Variants in GRIN2A observed in about 807,000 individuals in gnomAD.
The protein encoded by GRIN2A is glutamate ionotropic receptor NMDA type subunit 2A, also known as glutamate receptor ionotropic, NMDA 2A.
A neutral mutation model predicts 113.4 loss-of-function variants in GRIN2A; 22 were observed. That is an observed-to-expected ratio of 0.19 (90% CI 0.14 to 0.28). The LOEUF is 0.28. GRIN2A is among the 10% of genes least tolerant of loss of function. GRIN2A has a pLI of 1.00. For missense variants in GRIN2A, 1,502 were observed against 1,887.0 expected, an observed-to-expected ratio of 0.80 and a Z score of 3.78; for synonymous variants, 827 against 738.4, an observed-to-expected ratio of 1.12 and a Z score of -1.94.
At position 9,955,972 on chromosome 16, in the gene GRIN2A, G is replaced by T. The variant is rs1453875720; in HGVS notation, c.415-17421C>A. On this transcript the variant is annotated intron_variant, in intron 2 of 12. Transcript: ENST00000330684. ...AGTCTCTGCCAGGTGTTAGGTGCTGGTTCCTATCATTGGTTCCATCACCCC... is the reference window on the plus strand; with the variant it reads ...AGTCTCTGCCAGGTGTTAGGTGCTGTTTCCTATCATTGGTTCCATCACCCC... Among the ~76,000 whole-genome samples, 4 of 152,294 alleles carry T rather than the reference G, an allele frequency of 2.6e-5. No homozygotes were observed. In the East Asian group the frequency reaches 7.7e-4, roughly 29 times the overall value.
intron 2 of GRIN2A, among the ~76,000 whole-genome samples, chr16:9,988,284 C>CGTGTGTGCGTGTGTGT (rs1555461882): frequency 6.8e-6 from 1 of 146,840 alleles, no homozygotes; most frequent in South Asian, 2.2e-4. Context: ...TGTGTGTGTG[C>CGTGTGTGCGTGTGTGT]GTGTGTGTGT....
At chr16:10,096,437 C>T (rs555444693) in intron 2 of GRIN2A, among the ~76,000 whole-genome samples, 12 of 152,208 alleles carry the variant, frequency 7.9e-5, no homozygotes, top group South Asian at 2.1e-4. Context: ...TCAGGCATCT[C>T]GGGGTTTCTG....
chr16:9,990,557 GCGCGCGCACACACACACACA>G (rs1002661098), intron 2 of GRIN2A, among the ~76,000 whole-genome samples: 39 of 105,876 alleles, frequency 3.7e-4, no homozygotes, highest in African/African-American at 1.2e-3. Context: ...GCGCGCGCGC[GCGCGCGCACACACACACACA>G]CACACACACA....
intron 2 of GRIN2A, among the ~76,000 whole-genome samples, chr16:10,140,523 A>G: frequency 6.6e-6 from 1 of 152,188 alleles, no homozygotes; most frequent in Middle Eastern, 3.4e-3. Flanking sequence ...CCTATGGGAG[A>G]ATGAGATCTT....
At chr16:9,769,161 G>C (rs1901104757) in intron 11 of GRIN2A, 72 bp from the exon 12 acceptor site, 3 of 1,183,544 alleles carry the variant, frequency 2.5e-6, no homozygotes, top group Non-Finnish European at 3.8e-6. Flanking sequence ...TTCTGGGTTT[G>C]GAACAGACGA....
intron 2 of GRIN2A, among the ~76,000 whole-genome samples, chr16:10,139,648 G>C (rs1343055846): frequency 6.6e-6 from 1 of 152,112 alleles, no homozygotes; most frequent in Non-Finnish European, 1.5e-5. Context: ...TTGTTAAAAA[G>C]GCAAGTATGC....
At chr16:10,127,235 A>C (rs72776047) in intron 2 of GRIN2A, among the ~76,000 whole-genome samples, 2,502 of 152,146 alleles carry the variant, frequency 0.016, 40 homozygotes, top group Admixed American at 0.029. Context: ...TTGAAAAAAA[A>C]AAAAATCCAC....
chr16:10,111,583 T>A, intron 2 of GRIN2A: 1 of 941,150 alleles, frequency 1.1e-6, no homozygotes, highest in Non-Finnish European at 1.7e-6. Context: ...ACTGATCTCT[T>A]CCCCTATGGA....
intron 2 of GRIN2A, among the ~76,000 whole-genome samples, chr16:10,030,819 T>A (rs1244300015): frequency 1.3e-5 from 2 of 152,218 alleles, no homozygotes; most frequent in African/African-American, 4.8e-5. Flanking sequence ...TCAGATACTA[T>A]TTAAGGCTTC....
chr16:9,798,212 G>A, intron 11 of GRIN2A, 65 bp downstream of exon 11: 1 of 1,323,108 alleles, frequency 7.6e-7, no homozygotes, highest in South Asian at 1.2e-5. Flanking sequence ...GGAAGCCCAG[G>A]AGCAAACAAA....
intron 2 of GRIN2A, among the ~76,000 whole-genome samples, chr16:10,135,076 G>T (rs925714060): frequency 1.3e-5 from 2 of 152,164 alleles, no homozygotes; most frequent in African/African-American, 4.8e-5. Context: ...TTGCTTAACA[G>T]TTCTTGCTTC....
chr16:9,939,850 G>A (rs1271888951), intron 2 of GRIN2A, among the ~76,000 whole-genome samples: 2 of 152,142 alleles, frequency 1.3e-5, no homozygotes, highest in Non-Finnish European at 2.9e-5. Flanking sequence ...ATGCCTCTGT[G>A]TTAGAGCAAA....
At chr16:9,826,282 C>T (rs1019190599) in intron 9 of GRIN2A, among the ~76,000 whole-genome samples, 1 of 152,136 alleles carries the variant, frequency 6.6e-6, no homozygotes, top group African/African-American at 2.4e-5. Flanking sequence ...AATCTGCCTC[C>T]CAGAGATGGA....
At chr16:10,108,065 A>C (rs2048531873) in intron 2 of GRIN2A, among the ~76,000 whole-genome samples, 1 of 152,240 alleles carries the variant, frequency 6.6e-6, no homozygotes, top group South Asian at 2.1e-4. Context: ...TACTCCTTGC[A>C]TCAAATCATT....
intron 11 of GRIN2A, chr16:9,769,334 TAGAG>T (rs910465899): frequency 1.9e-5 from 4 of 207,008 alleles, no homozygotes; most frequent in East Asian, 1.1e-4. Context: ...AATATATATA[TAGAG>T]AGAGAGTATA....
At chr16:9,986,891 A>G (rs1213317) in intron 2 of GRIN2A, among the ~76,000 whole-genome samples, 4,165 of 152,088 alleles carry the variant, frequency 0.027, 82 homozygotes, top group East Asian at 0.074. Context: ...CTGTCCTCCA[A>G]TTGTGTAGAG....
intron 2 of GRIN2A, among the ~76,000 whole-genome samples, chr16:9,964,177 T>C (rs2045504620): frequency 6.6e-6 from 1 of 152,258 alleles, no homozygotes; most frequent in African/African-American, 2.4e-5. Context: ...GCAAAGGCAC[T>C]GCCGCATGGA....
chr16:10,179,829 G>C (rs1338997397), intron 2 of GRIN2A, 169 bp downstream of exon 2: 1 of 670,162 alleles, frequency 1.5e-6, no homozygotes, highest in African/African-American at 1.8e-5. Context: ...TTCATTTCTG[G>C]GTTGGAGAGG....
chr16:9,974,028 CTTCTT>C (rs1164964531), intron 2 of GRIN2A, among the ~76,000 whole-genome samples: 1 of 152,114 alleles, frequency 6.6e-6, no homozygotes, highest in Admixed American at 6.5e-5. Flanking sequence ...ATAAAAGACT[CTTCTT>C]TTAATTAAAA....
Sources: allele counts gnomAD v4.1 joint callset (sites outside exome capture counted in the v4.1 genomes callset), GRCh38; gene constraint gnomAD v4.1.1; transcripts MANE v1.5; gene names NCBI Gene and HGNC (gene_info 2026-07-23, HGNC 2026-07-21).